Variants in CEACAM5 observed in about 807,000 individuals in gnomAD.
CEACAM5 encodes the protein CEA cell adhesion molecule 5, also known as cell adhesion molecule CEACAM5.
CEACAM5 carries 52 observed loss-of-function variants against 63.0 expected under a neutral mutation model. That is an observed-to-expected ratio of 0.83 (90% CI 0.66 to 1.04). The LOEUF is 1.04. Ranked by LOEUF, CEACAM5 falls within the 50% of genes least tolerant of loss-of-function variation. The pLI is 0.00. For synonymous variants in CEACAM5, 357 were observed against 351.3 expected (o/e 1.02, Z -0.18); for missense variants, 790 against 864.8 (o/e 0.91, Z 1.08).
At chr19:41,720,864 C>G in intron 7 of CEACAM5, 58 bp from the exon 8 acceptor site, 1 of 1,594,940 alleles carries the variant, frequency 6.3e-7, no homozygotes, top group Non-Finnish European at 8.6e-7. Context: ...CTTCTACAAT[C>G]AGGAGCTTCC....
rs879991547 is a variant in CEACAM5 at position 41,709,601 on chromosome 19, T to C, written c.65-79T>C. 11 of 1,540,190 alleles carry C rather than the reference T, an allele frequency of 7.1e-6. No homozygotes were observed. The South Asian group carries it at 1.4e-4, about 20-fold the overall frequency. ...TCCAGGGCTGGGGGATGAAGAGACC[T>C]GCTCAGGACCCAGGACCCCATTTTT... On this transcript the variant is annotated intron_variant, in intron 1 of 9. Coordinates refer to ENST00000221992, the MANE Select transcript of CEACAM5 (RefSeq NM_004363.6).
intron 1 of CEACAM5, 26 bp downstream of exon 1, chr19:41,708,821 G>C: frequency 6.5e-7 from 1 of 1,547,562 alleles, no homozygotes; most frequent in East Asian, 2.3e-5. Flanking sequence ...CCTGGGAGAG[G>C]GTGGGAGGAG....
intron 5 of CEACAM5, 127 bp from the exon 6 acceptor site, chr19:41,718,001 G>C (rs1555815352): frequency 4.3e-6 from 5 of 1,160,160 alleles, no homozygotes; most frequent in Non-Finnish European, 5.0e-6. Context: ...ATTGGATACA[G>C]TAGGGGTTTG....
In CEACAM5 at chr19:41,708,757, A is replaced by G. The variant is rs782815290; in HGVS notation, c.26A>G (p.His9Arg). Residue 9 changes from histidine to arginine, a missense_variant, in exon 1 of 10, where the codon CAC becomes CGC. Physicochemically the swap from His to Arg is conservative, Grantham distance 29 (BLOSUM62 0). Transcript: ENST00000221992. ...ATGGAGTCTCCCTCGGCCCCTCCCC[A>G]CAGATGGTGCATCCCCTGGCAGAGG... is the stretch of plus-strand genomic sequence containing the variant. MESPSAPP[H>R]RWCIPWQRLL... 1.2e-6 allele frequency: 2 copies of G among 1,612,250 alleles called. No individual in the cohort carries two copies. Among genetic ancestry groups the G allele is most frequent in the Non-Finnish European group, 1.7e-6 (2 of 1,179,056 alleles).
intron 4 of CEACAM5, 142 bp downstream of exon 4, chr19:41,716,046 C>A: frequency 2.2e-6 from 2 of 918,766 alleles, no homozygotes; most frequent in South Asian, 1.6e-5. Context: ...CTGAACCTCC[C>A]CAATATGTCT....
chr19:41,719,857 A>G (rs943689044), intron 6 of CEACAM5, 73 bp from the exon 7 acceptor site: 1 of 1,597,350 alleles, frequency 6.3e-7, no homozygotes, highest in African/African-American at 1.3e-5. Context: ...GGAGTTGCCA[A>G]CTCTGATTGA....
intron 8 of CEACAM5, among the ~76,000 whole-genome samples, chr19:41,725,665 A>G (rs1423371930): frequency 6.6e-6 from 1 of 151,856 alleles, no homozygotes; most frequent in African/African-American, 2.4e-5. Flanking sequence ...GAGCCGCTAT[A>G]CCTCCATTTT....
In CEACAM5 at chr19:41,729,484, A is replaced by G. The variant is rs1235252483; in HGVS notation, c.*337A>G. On this transcript the variant is annotated 3_prime_UTR_variant, in exon 10 of 10. Transcript: ENST00000221992. ...TGGCAACAGAGCAAGACTCCATCTC[A>G]AAAAGAAAAGAAAAGAAGACTCTGA... The G allele has an allele frequency of 2.0e-5, 3 of 149,044 alleles. No homozygotes were observed. Among genetic ancestry groups the G allele is most frequent in the African/African-American group, 5.2e-5 (2 of 38,364 alleles). The allele number at this position is 149,044 out of a possible 1,614,324, so 9.2% of individuals were successfully genotyped here. A position where few individuals can be genotyped will look rare whatever the true frequency, so the allele number is the denominator to read the frequency against.
intron 8 of CEACAM5, among the ~76,000 whole-genome samples, chr19:41,725,865 G>A (rs947060937): frequency 1.3e-5 from 2 of 151,730 alleles, no homozygotes; most frequent in Non-Finnish European, 2.9e-5. Flanking sequence ...ACTATCTGTG[G>A]TTTGAGGTGG....
At chr19:41,714,744 T>C (rs551385267) in intron 2 of CEACAM5, among the ~76,000 whole-genome samples, 18 of 152,300 alleles carry the variant, frequency 1.2e-4, no homozygotes, top group Middle Eastern at 3.4e-3. Flanking sequence ...ATGCTGCTGC[T>C]TAATTCACAC....
In CEACAM5 at chr19:41,729,195, G is replaced by C. The variant is rs1241947587; in HGVS notation, c.*48G>C. 1 of 152,012 alleles carries C rather than the reference G, an allele frequency of 6.6e-6. No homozygotes were observed. Among genetic ancestry groups the C allele is most frequent in the Non-Finnish European group, 1.5e-5 (1 of 68,010 alleles). The allele number at this position is 152,012 out of a possible 1,614,324, so 9.4% of individuals were successfully genotyped here. ...TTTGTCATTCACAGACAGTTGTTTTGCTTCTTCCTTAAAGCATTTGCAACA... is the reference window on the plus strand; with the variant it reads ...TTTGTCATTCACAGACAGTTGTTTTCCTTCTTCCTTAAAGCATTTGCAACA... On this transcript the variant is annotated 3_prime_UTR_variant, in exon 10 of 10. Transcript: ENST00000221992.
Position 41,718,290 on chromosome 19 carries a change from TCA to T in CEACAM5, c.1402_1403del (p.Thr468Ter). The T allele has an allele frequency of 6.2e-7, 1 of 1,614,052 alleles. No individual in the cohort carries two copies. The highest frequency in any genetic ancestry group is 1.1e-5 in the South Asian group (1 of 91,074). On this transcript the variant is annotated frameshift_variant, in exon 6 of 10. Coordinates refer to ENST00000221992, the MANE Select transcript of CEACAM5 (RefSeq NM_004363.6). LOFTEE classifies it high-confidence loss of function. Reference sequence around the variant, plus strand: ...ACACAAGAGCTCTTTATCTCCAACATCACTGAGAAGAACAGCGGACTCTATAC... The same window carrying T: ...ACACAAGAGCTCTTTATCTCCAACATCTGAGAAGAACAGCGGACTCTATAC...
chr19:41,728,143 G>A (rs1320516965), intron 9 of CEACAM5, among the ~76,000 whole-genome samples: 1 of 152,148 alleles, frequency 6.6e-6, no homozygotes, highest in African/African-American at 2.4e-5. Flanking sequence ...CAATTCATAT[G>A]TTCATAACAG....
chr19:41,720,770 G>A, intron 7 of CEACAM5, 152 bp from the exon 8 acceptor site: 2 of 954,432 alleles, frequency 2.1e-6, no homozygotes, highest in Admixed American at 2.2e-5. Context: ...AAAGTGCTGG[G>A]ATTACAGGCG....
intron 2 of CEACAM5, among the ~76,000 whole-genome samples, chr19:41,710,863 T>C (rs1416721159): frequency 1.3e-5 from 2 of 152,198 alleles, no homozygotes; most frequent in African/African-American, 4.8e-5. Context: ...TGAGATCAAG[T>C]AATTGTAAAT....
intron 4 of CEACAM5, among the ~76,000 whole-genome samples, chr19:41,716,209 C>T (rs1227040762): frequency 6.6e-6 from 1 of 152,254 alleles, no homozygotes. Flanking sequence ...GGTCAAGTTG[C>T]TTCTCTCTGT....
chr19:41,710,085 C>T, intron 2 of CEACAM5, 46 bp downstream of exon 2: 1 of 1,575,178 alleles, frequency 6.3e-7, no homozygotes, highest in Non-Finnish European at 8.6e-7. Context: ...GTCAGTTCTA[C>T]TTCCCACACA....
chr19:41,722,204 GA>G (rs1225503230), intron 8 of CEACAM5, among the ~76,000 whole-genome samples: 68 of 144,202 alleles, frequency 4.7e-4, no homozygotes, highest in Admixed American at 1.2e-3. Context: ...TCAAGATACA[GA>G]AAAAAAAAAA....
Position 41,727,237 on chromosome 19 carries a change from C to CCG in CEACAM5, c.2030_2031insCG (p.Gly678ValfsTer16). 1 of 1,612,830 alleles carries CCG rather than the reference C, an allele frequency of 6.2e-7. No individual in the cohort carries two copies. Among genetic ancestry groups the CCG allele is most frequent in the Admixed American group, 1.7e-5 (1 of 60,034 alleles). On this transcript the variant is annotated frameshift_variant, in exon 9 of 10. Transcript: ENST00000221992. LOFTEE classifies it high-confidence loss of function. ...CTTTCCATGACGGACGATTCAGCAT[C>CCG]TGGAACTTCTCCTGGTCTCTCAGCT...
Sources: gnomAD v4.1 joint callset for allele counts (sites outside exome capture counted in the v4.1 genomes callset) on GRCh38, gnomAD v4.1.1 for gene constraint, MANE v1.5 for transcripts, NCBI Gene and HGNC (gene_info 2026-07-23, HGNC 2026-07-21) for gene names.